Variants in SPEF2 observed in about 807,000 individuals in gnomAD.
SPEF2 encodes sperm flagella and cilia-associated protein 2.
In SPEF2, 187 loss-of-function variants were observed where a neutral mutation model predicts 224.6. That is an observed-to-expected ratio of 0.83 (90% CI 0.74 to 0.94). SPEF2 has a LOEUF of 0.94. Among genes scored for constraint, SPEF2 ranks in the 40% least tolerant of loss-of-function variants. The pLI, the probability that SPEF2 is intolerant of heterozygous loss-of-function variation, is 0.00. For missense variants in SPEF2, 2,170 were observed against 2,135.6 expected (o/e 1.02, Z -0.32); for synonymous variants, 715 against 707.3 (o/e 1.01, Z -0.17).
In SPEF2 at chr5:35,641,590, G is replaced by A. The variant is rs2149401893; in HGVS notation, c.321G>A (p.Lys107=). 6.2e-7 allele frequency: 1 copy of A among 1,613,762 alleles called. No individual in the cohort carries two copies. Among genetic ancestry groups the A allele is most frequent in the Non-Finnish European group, 8.5e-7 (1 of 1,179,802 alleles). The change falls in exon 3 of 37, where the codon AAG becomes AAA. Residue 107 remains lysine, a synonymous_variant. Transcript: ENST00000356031. ...AATTGTACATTGCTCTTCAGAAAAA[G>A]AAGAAAAGTGGACTGACTGGAGTGG... ...LYQLYIALQK[K]KKSGLTGVEM... is the part of the protein sequence containing the mutation.
rs533714627 is a variant in SPEF2 at position 35,661,286 on chromosome 5, ATATATATATATATT to A, written c.1167+2080_1167+2093del. Among the ~76,000 whole-genome samples, 325 of 74,390 alleles carry A rather than the reference ATATATATATATATT, an allele frequency of 4.4e-3. 5 individuals carry two copies. Among genetic ancestry groups the A allele is most frequent in the African/African-American group, 0.019 (314 of 16,548 alleles). The allele number at this position is 74,390 out of a possible 152,430, so 48.8% of individuals were successfully genotyped here. On this transcript the variant is annotated intron_variant, in intron 8 of 36. Transcript: ENST00000356031. ...TATATATATATATATATATATATATATATATATATATATTATACACACATATATACACATATACC... is the reference window on the plus strand; with the variant it reads ...TATATATATATATATATATATATATAATACACACATATATACACATATACC...
At chr5:35,717,633 T>A (rs1023814257) in intron 20 of SPEF2, among the ~76,000 whole-genome samples, 3 of 151,990 alleles carry the variant, frequency 2.0e-5, no homozygotes, top group African/African-American at 4.8e-5. Flanking sequence ...GAAAACGGAC[T>A]CTCGCAAGGC....
chr5:35,806,683 T>C, intron 34 of SPEF2, 24 bp from the exon 35 acceptor site: 1 of 1,592,850 alleles, frequency 6.3e-7, no homozygotes, highest in Non-Finnish European at 8.5e-7. Flanking sequence ...TTTAACTTCA[T>C]GTTCTCTTCA....
intron 10 of SPEF2, among the ~76,000 whole-genome samples, chr5:35,685,056 A>AT (rs1325871282): frequency 6.6e-6 from 1 of 152,186 alleles, no homozygotes; most frequent in Non-Finnish European, 1.5e-5. Context: ...TGCAGATCCA[A>AT]TTAGTATTTG....
chr5:35,745,007 C>A (rs531133234), intron 23 of SPEF2, among the ~76,000 whole-genome samples: 1 of 152,212 alleles, frequency 6.6e-6, no homozygotes, highest in Non-Finnish European at 1.5e-5. Flanking sequence ...GGAGACCCTC[C>A]TCTCCTGAAC....
At chr5:35,723,292 C>T (rs372094628) in intron 20 of SPEF2, among the ~76,000 whole-genome samples, 1 of 152,308 alleles carries the variant, frequency 6.6e-6, no homozygotes, top group African/African-American at 2.4e-5. Context: ...AGCAGAGGCT[C>T]TTCAAGTATG....
chr5:35,670,428 A>G, intron 10 of SPEF2: 2 of 1,231,154 alleles, frequency 1.6e-6, no homozygotes, highest in South Asian at 2.9e-5. Flanking sequence ...TGTTCCTAGT[A>G]ATCTTAGGGG....
Position 35,745,929 on chromosome 5 carries a change from C to T in SPEF2, c.3330+5662C>T, listed in dbSNP as rs185743998. Among the ~76,000 whole-genome samples the T allele has an allele frequency of 5.1e-4, 77 of 152,332 alleles. 2 individuals are homozygous for T. The highest frequency in any genetic ancestry group is 1.9e-3 in the African/African-American group (77 of 41,580). ...TGTCATGGAGTCCATTGCACTCCCT[C>T]ACCACCTCCACCAGAACAGGCACTG... On this transcript the variant is annotated intron_variant, in intron 23 of 36. Transcript: ENST00000356031.
intron 6 of SPEF2, 148 bp from the exon 7 acceptor site, chr5:35,654,392 A>G (rs970319173): frequency 1.6e-6 from 1 of 607,288 alleles, no homozygotes; most frequent in African/African-American, 1.9e-5. Flanking sequence ...TATCACACTG[A>G]TTTCAAATAT....
At chr5:35,654,417 G>A (rs538970040) in intron 6 of SPEF2, 123 bp from the exon 7 acceptor site, 4 of 713,768 alleles carry the variant, frequency 5.6e-6, no homozygotes, top group South Asian at 3.1e-5. Flanking sequence ...TTCAATGCTT[G>A]TATTAATAAA....
At chr5:35,727,850 A>G in intron 21 of SPEF2, 27 bp downstream of exon 21, 1 of 1,602,254 alleles carries the variant, frequency 6.2e-7, no homozygotes, top group South Asian at 1.1e-5. Flanking sequence ...TCAAGCTGGC[A>G]GAATTCATTC....
Position 35,695,767 on chromosome 5 carries a change from G to GAAGTCAAATC in SPEF2, c.2013_2022dup (p.Asp675GlnfsTer4). 6.2e-7 allele frequency: 1 copy of GAAGTCAAATC among 1,610,370 alleles called. No individual in the cohort carries two copies. Among genetic ancestry groups the GAAGTCAAATC allele is most frequent in the Non-Finnish European group, 8.5e-7 (1 of 1,178,294 alleles). Reference sequence around the variant, plus strand: ...TGCTGATAAAACACCAAAAGCTGAAGAAGTCAAATCAAGTGATAGTTTCTT... The same window carrying GAAGTCAAATC: ...TGCTGATAAAACACCAAAAGCTGAAGAAGTCAAATCAAGTCAAATCAAGTGATAGTTTCTT... On this transcript the variant is annotated frameshift_variant, in exon 14 of 37. Transcript: ENST00000356031. LOFTEE classifies it high-confidence loss of function.
chr5:35,805,539 A>T (rs1757949167), intron 34 of SPEF2, among the ~76,000 whole-genome samples: 1 of 152,194 alleles, frequency 6.6e-6, no homozygotes, highest in Non-Finnish European at 1.5e-5. Flanking sequence ...ATCAGATCTC[A>T]GATGTTCTGT....
In SPEF2 at chr5:35,739,929, TG is replaced by T; in HGVS notation, c.3075del (p.Leu1025PhefsTer3). ...TTTACCATTTAACAGGAAATGCCTT[TG>T]TTTTTAGTACCTTACTGGGAACTAA... is the stretch of plus-strand genomic sequence containing the variant. ...VNEPVPEEMP[L>X]FLVPYWELIE... On this transcript the variant is annotated frameshift_variant, in exon 22 of 37. Coordinates refer to ENST00000356031, the MANE Select transcript of SPEF2 (RefSeq NM_024867.4). LOFTEE classifies it high-confidence loss of function. 1 of 1,613,370 alleles carries T rather than the reference TG, an allele frequency of 6.2e-7. No homozygotes were observed. The highest frequency in any genetic ancestry group is 8.5e-7 in the Non-Finnish European group (1 of 1,179,838).
At chr5:35,798,014 C>T (rs946270073) in intron 33 of SPEF2, among the ~76,000 whole-genome samples, 3 of 152,160 alleles carry the variant, frequency 2.0e-5, no homozygotes, top group African/African-American at 7.2e-5. Flanking sequence ...CATCCAATAC[C>T]TTAGGAAATC....
At chr5:35,681,529 A>G (rs1323042290) in intron 10 of SPEF2, among the ~76,000 whole-genome samples, 3 of 152,204 alleles carry the variant, frequency 2.0e-5, no homozygotes, top group Non-Finnish European at 4.4e-5. Flanking sequence ...TTGTCCAATG[A>G]AATATCTTTT....
chr5:35,795,866 A>T, intron 33 of SPEF2, 71 bp downstream of exon 33: 1 of 1,365,642 alleles, frequency 7.3e-7, no homozygotes, highest in Non-Finnish European at 1.0e-6. Flanking sequence ...TCTTCCACTT[A>T]TGTAACTTGG....
intron 20 of SPEF2, 30 bp downstream of exon 20, chr5:35,712,916 A>G: frequency 6.3e-7 from 1 of 1,581,082 alleles, no homozygotes; most frequent in Non-Finnish European, 8.7e-7. Context: ...ATATAATTAC[A>G]TGTAATTCTG....
At chr5:35,658,342 CAGATA>C (rs1472556082) in intron 7 of SPEF2, among the ~76,000 whole-genome samples, 1 of 152,136 alleles carries the variant, frequency 6.6e-6, no homozygotes, top group Non-Finnish European at 1.5e-5. Flanking sequence ...TATGATCACT[CAGATA>C]AGATAAGCAG....
Sources: gnomAD v4.1 joint callset for allele counts (sites outside exome capture counted in the v4.1 genomes callset) on GRCh38, gnomAD v4.1.1 for gene constraint, MANE v1.5 for transcripts, NCBI Gene and HGNC (gene_info 2026-07-23, HGNC 2026-07-21) for gene names.